The following PRKX variants were observed in gnomAD, a reference collection of about 807,000 sequenced individuals.
PRKX encodes protein kinase cAMP-dependent X-linked catalytic subunit, also known as cAMP-dependent protein kinase catalytic subunit PRKX.
A neutral mutation model predicts 22.0 loss-of-function variants in PRKX; 12 were observed. The ratio of observed to expected loss-of-function variants is 0.54; its 90% CI spans 0.35 to 0.88. PRKX has a LOEUF of 0.88. PRKX is among the 40% of genes least tolerant of loss of function. PRKX has a pLI of 0.01. For synonymous variants in PRKX, 134 were observed against 137.7 expected (o/e 0.97, Z 0.19); for missense variants, 217 against 308.0 (o/e 0.70, Z 2.21).
At chrX:3,651,597 C>T (rs750673511) in intron 3 of PRKX, among the ~76,000 whole-genome samples, 34 of 111,491 alleles carry the variant, frequency 3.0e-4, no homozygotes, top group Middle Eastern at 4.6e-3. Flanking sequence ...AATGTAAACG[C>T]ATCATAAAAT....
At chrX:3,686,616 G>A (rs1289315373) in intron 1 of PRKX, among the ~76,000 whole-genome samples, 1 of 108,135 alleles carries the variant, frequency 9.2e-6, no homozygotes, top group Non-Finnish European at 1.9e-5. Flanking sequence ...GGAGTTCAGT[G>A]GCGCGATCTC....
chrX:3,706,095 A>G (rs1474147693), intron 1 of PRKX, among the ~76,000 whole-genome samples: 2 of 110,155 alleles, frequency 1.8e-5, no homozygotes, highest in Non-Finnish European at 3.8e-5. Context: ...ATGCGATTTC[A>G]TGCTGGAGAG....
chrX:3,659,205 CACA>C (rs1260044336), intron 2 of PRKX, among the ~76,000 whole-genome samples: 1 of 106,636 alleles, frequency 9.4e-6, no homozygotes, highest in African/African-American at 3.4e-5. Flanking sequence ...GAGCTATGAT[CACA>C]ACATCACTGT....
intron 1 of PRKX, among the ~76,000 whole-genome samples, chrX:3,687,573 A>G (rs2079279460): frequency 9.0e-6 from 1 of 111,526 alleles, no homozygotes; most frequent in African/African-American, 3.3e-5. Flanking sequence ...AATTAAACAC[A>G]TGCATTGTCC....
intron 2 of PRKX, chrX:3,667,493 T>G (rs1437053155): frequency 1.8e-5 from 2 of 109,200 alleles, no homozygotes; most frequent in Non-Finnish European, 3.8e-5. Flanking sequence ...CAAGGTGACC[T>G]AGCAGCCCTC....
At chrX:3,618,651 CTT>C (rs1926490369) in intron 6 of PRKX, among the ~76,000 whole-genome samples, 1 of 111,414 alleles carries the variant, frequency 9.0e-6, no homozygotes, top group Non-Finnish European at 1.9e-5. Context: ...TCAGTGTTTT[CTT>C]GAGTCTCTTT....
At chrX:3,647,693 G>T (rs1927218599) in intron 3 of PRKX, among the ~76,000 whole-genome samples, 1 of 108,431 alleles carries the variant, frequency 9.2e-6, no homozygotes, top group South Asian at 3.9e-4. Context: ...GATTTTATAT[G>T]TATGATTTTC....
chrX:3,713,516 T>G lies in PRKX; in HGVS notation c.-263A>C. On this transcript the variant is annotated 5_prime_UTR_variant, in exon 1 of 9. Transcript: ENST00000262848. Reference sequence around the variant, plus strand: ...GGGCGGGCACCGAGTGCGGGACGACTGCGGGGAAGGCGGGGGCCGCGGCCC... The same window carrying G: ...GGGCGGGCACCGAGTGCGGGACGACGGCGGGGAAGGCGGGGGCCGCGGCCC... 1 of 205,470 alleles carries G rather than the reference T, an allele frequency of 4.9e-6. No individual in the cohort carries two copies. 16.9% of individuals were successfully genotyped at this position (205,470 alleles called of 1,213,427 possible).
At chrX:3,627,168 C>T (rs565768510) in intron 4 of PRKX, among the ~76,000 whole-genome samples, 10 of 109,865 alleles carry the variant, frequency 9.1e-5, no homozygotes, top group African/African-American at 3.0e-4. Flanking sequence ...GATAACCTGA[C>T]GTCAGGAGTT....
intron 4 of PRKX, among the ~76,000 whole-genome samples, chrX:3,627,877 C>G (rs1403712416): frequency 9.0e-6 from 1 of 111,120 alleles, no homozygotes; most frequent in Non-Finnish European, 1.9e-5. Flanking sequence ...TATGACCCAG[C>G]CATCACATTA....
chrX:3,612,955 A>C lies in PRKX; in HGVS notation c.952-630T>G, dbSNP rs148296702. On this transcript the variant is annotated intron_variant, in intron 7 of 8. Transcript: ENST00000262848. ...ATCATCTGAGGTCAGGAGTTCGAGAACAGCCTGGCCCATGGAGAAACCCTG... is the reference window on the plus strand; with the variant it reads ...ATCATCTGAGGTCAGGAGTTCGAGACCAGCCTGGCCCATGGAGAAACCCTG... Among the ~76,000 whole-genome samples the C allele has an allele frequency of 9.2e-3, 989 of 107,925 alleles. 6 individuals are homozygous for C. Among genetic ancestry groups the C allele is most frequent in the Non-Finnish European group, 0.014 (723 of 52,031 alleles). The allele number at this position is 107,925 out of a possible 115,157, so 93.7% of individuals were successfully genotyped here.
chrX:3,664,056 G>A lies in PRKX; in HGVS notation c.336-8644C>T, dbSNP rs373804810. Among the ~76,000 whole-genome samples, 7 of 111,562 alleles carry A rather than the reference G, an allele frequency of 6.3e-5. No homozygotes were observed. In the East Asian group the frequency reaches 2.0e-3, roughly 32 times the overall value. On this transcript the variant is annotated intron_variant, in intron 2 of 8. Coordinates refer to ENST00000262848, the MANE Select transcript of PRKX (RefSeq NM_005044.5). ...TACATGCCCACAGGCACACAGCCTT[G>A]CTCCTAGGGTCACATGCACCCTCCC...
intron 3 of PRKX, among the ~76,000 whole-genome samples, chrX:3,643,413 G>A (rs1299944935): frequency 2.7e-5 from 3 of 112,365 alleles, no homozygotes; most frequent in East Asian, 2.8e-4. Flanking sequence ...AACAAGGACT[G>A]CAGCAGAAGC....
chrX:3,707,825 G>A (rs1001406175), intron 1 of PRKX, among the ~76,000 whole-genome samples: 1 of 111,263 alleles, frequency 9.0e-6, no homozygotes, highest in African/African-American at 3.3e-5. Context: ...TGTCTCACAC[G>A]GAGCACCCAC....
intron 1 of PRKX, among the ~76,000 whole-genome samples, chrX:3,699,524 T>G (rs921155843): frequency 2.7e-5 from 3 of 110,195 alleles, no homozygotes; most frequent in Non-Finnish European, 3.8e-5. Context: ...AGCTATTTTT[T>G]TGTATTTTTA....
At chrX:3,707,912 A>G (rs1928715792) in intron 1 of PRKX, among the ~76,000 whole-genome samples, 1 of 111,754 alleles carries the variant, frequency 8.9e-6, no homozygotes. Flanking sequence ...CCTAATTGCT[A>G]TGTCAACACT....
rs1260580927 is a variant in PRKX at position 3,604,435 on chromosome X, C to A, written c.*4534G>T. 3 of 113,017 alleles carry A rather than the reference C, an allele frequency of 2.7e-5. No homozygotes were observed. In the Admixed American group the frequency reaches 2.8e-4, roughly 11 times the overall value. 9.3% of individuals were successfully genotyped at this position (113,017 alleles called of 1,213,427 possible). ...CAACAGTATTATTACATAAATTAGA[C>A]AGCAGTAAAATTTTCCTAGGGCATA... is the stretch of plus-strand genomic sequence containing the variant. On this transcript the variant is annotated 3_prime_UTR_variant, in exon 9 of 9. Transcript: ENST00000262848.
chrX:3,615,681 G>T, intron 7 of PRKX, 134 bp downstream of exon 7: 1 of 581,391 alleles, frequency 1.7e-6, no homozygotes, highest in Non-Finnish European at 2.8e-6. Context: ...CTTATGAACA[G>T]TTTTAGACAA....
In PRKX at chrX:3,655,426, C is replaced by T. The variant is rs1177716987; in HGVS notation, c.336-14G>A. The T allele has an allele frequency of 2.5e-6, 3 of 1,210,439 alleles. No homozygotes were observed. The highest frequency in any genetic ancestry group is 1.8e-5 in the South Asian group (1 of 56,788). ...CACGTCCAGAACCTGCGGGGACAGACAGCACATGCTCAGGGCCCCGCCAAG... is the reference window on the plus strand; with the variant it reads ...CACGTCCAGAACCTGCGGGGACAGATAGCACATGCTCAGGGCCCCGCCAAG... On this transcript the variant is annotated splice_polypyrimidine_tract_variant and intron_variant, in intron 2 of 8. Coordinates refer to ENST00000262848, the MANE Select transcript of PRKX (RefSeq NM_005044.5).
Sources: gnomAD v4.1 joint callset for allele counts (sites outside exome capture counted in the v4.1 genomes callset) on GRCh38, gnomAD v4.1.1 for gene constraint, MANE v1.5 for transcripts, NCBI Gene and HGNC (gene_info 2026-07-23, HGNC 2026-07-21) for gene names.